MPV17L: variants seen among roughly 807,000 people sequenced by gnomAD.
MPV17L encodes the protein MPV17 mitochondrial inner membrane protein like.
A neutral mutation model predicts 25.8 loss-of-function variants in MPV17L; 24 were observed. The ratio of observed to expected loss-of-function variants is 0.93; its 90% CI spans 0.67 to 1.31. The LOEUF (loss-of-function observed/expected upper bound fraction) is 1.31, where lower values mean the gene tolerates loss of function less well. MPV17L is among the 50% of genes most tolerant of loss of function. The pLI, the probability that MPV17L is intolerant of heterozygous loss-of-function variation, is 0.00. For synonymous variants in MPV17L, 102 were observed against 115.3 expected (o/e 0.88, Z 0.74); for missense variants, 250 against 265.6 (o/e 0.94, Z 0.41).
chr16:15,400,826 A>T lies in MPV17L; in HGVS notation c.350A>T (p.Asp117Val). 1.2e-6 allele frequency: 2 copies of T among 1,603,914 alleles called. No individual in the cohort carries two copies. The highest frequency in any genetic ancestry group is 2.2e-5 in the South Asian group (2 of 88,962). ...ILQGKDDIFL[D>V]LKQKFWNTYL... ...CAAGGAAAGGATGACATATTTTTGG[A>T]CCTGAAACAGAAATTCTGGAATACC... Residue 117 changes from aspartate (D) to valine (V), a missense_variant, in exon 2 of 4, where the codon GAC (aspartate) becomes GTC (valine). Transcript: ENST00000396385.
intron 2 of MPV17L, among the ~76,000 whole-genome samples, chr16:15,403,515 A>G (rs777318878): frequency 6.6e-6 from 1 of 152,096 alleles, no homozygotes; most frequent in East Asian, 1.9e-4. Context: ...CGCTACAAAA[A>G]TAAAATAAAT....
chr16:15,407,449 A>G (rs1192812403), intron 2 of MPV17L, among the ~76,000 whole-genome samples: 2 of 152,086 alleles, frequency 1.3e-5, no homozygotes, highest in Middle Eastern at 3.2e-3. Context: ...TGTGTGGTTA[A>G]AAGGTATTCT....
chr16:15,406,701 A>G (rs2050683278), intron 2 of MPV17L, among the ~76,000 whole-genome samples: 1 of 151,964 alleles, frequency 6.6e-6, no homozygotes, highest in Admixed American at 6.6e-5. Context: ...CGAGGCAGGC[A>G]AATCACCTGA....
At chr16:15,403,177 G>A (rs1194904087) in intron 2 of MPV17L, among the ~76,000 whole-genome samples, 1 of 151,144 alleles carries the variant, frequency 6.6e-6, no homozygotes, top group South Asian at 2.1e-4. Context: ...AGACCATCCT[G>A]GCTAACATGG....
chr16:15,404,522 CCT>C (rs753924864), intron 2 of MPV17L, among the ~76,000 whole-genome samples: 2 of 151,878 alleles, frequency 1.3e-5, no homozygotes, highest in Non-Finnish European at 2.9e-5. Flanking sequence ...ATAGCAAGAC[CCT>C]GTCTGTATTT....
At chr16:15,396,922 G>A (rs1172176638) in intron 1 of MPV17L, among the ~76,000 whole-genome samples, 3 of 152,232 alleles carry the variant, frequency 2.0e-5, no homozygotes, top group South Asian at 2.1e-4. Context: ...TAGAAAATCC[G>A]ACCCGGGCCT....
chr16:15,403,725 G>T (rs2050658796), intron 2 of MPV17L, among the ~76,000 whole-genome samples: 1 of 151,430 alleles, frequency 6.6e-6, no homozygotes, highest in Non-Finnish European at 1.5e-5. Context: ...GCTTCAGGCA[G>T]GGATTTGTAA....
At chr16:15,398,510 G>C (rs1317962837) in intron 1 of MPV17L, among the ~76,000 whole-genome samples, 1 of 152,004 alleles carries the variant, frequency 6.6e-6, no homozygotes, top group Non-Finnish European at 1.5e-5. Flanking sequence ...TTGAACCTAA[G>C]TCCAGGCCAA....
chr16:15,405,606 G>A (rs941939322), intron 2 of MPV17L, among the ~76,000 whole-genome samples: 2 of 151,538 alleles, frequency 1.3e-5, no homozygotes, highest in African/African-American at 4.8e-5. Context: ...CTGCAATCAC[G>A]TCCTGCTAAT....
At chr16:15,401,348 C>T (rs2050639540) in intron 2 of MPV17L, among the ~76,000 whole-genome samples, 1 of 151,734 alleles carries the variant, frequency 6.6e-6, no homozygotes, top group Admixed American at 6.6e-5. Context: ...AACTCCTGTG[C>T]TCCAGTGATT....
chr16:15,407,801 C>CT (rs200953251), intron 2 of MPV17L, 23 bp from the exon 3 acceptor site: 207,809 of 1,233,380 alleles, frequency 0.17, 3,292 homozygotes, highest in East Asian at 0.35. Context: ...AAAGTTGTTG[C>CT]TTTTTTTTTT....
intron 1 of MPV17L, 45 bp downstream of exon 1, chr16:15,396,252 G>A: frequency 1.3e-6 from 2 of 1,532,502 alleles, no homozygotes; most frequent in Non-Finnish European, 1.8e-6. Flanking sequence ...CCAGTATTGG[G>A]GGACTGGAGG....
In MPV17L at chr16:15,408,991, C is replaced by T. The variant is rs2050708764; in HGVS notation, c.*879C>T. On this transcript the variant is annotated 3_prime_UTR_variant, in exon 4 of 4. Transcript: ENST00000396385. ...AGAGATGAAGTTTCACCGTGTTGGC[C>T]AGGATGGTCTTGATCTCCTGACCGC... 6.6e-6 allele frequency: 1 copy of T among 151,534 alleles called. No homozygotes were observed. Among genetic ancestry groups the T allele is most frequent in the African/African-American group, 2.4e-5 (1 of 41,192 alleles). The allele number at this position is 151,534 out of a possible 1,614,324, so 9.4% of individuals were successfully genotyped here.
intron 2 of MPV17L, among the ~76,000 whole-genome samples, chr16:15,401,679 G>T (rs2050641262): frequency 6.6e-6 from 1 of 151,986 alleles, no homozygotes; most frequent in South Asian, 2.1e-4. Flanking sequence ...AAATAGTCAG[G>T]CACGGTGGTG....
intron 1 of MPV17L, among the ~76,000 whole-genome samples, chr16:15,397,169 G>A (rs1033187028): frequency 6.6e-6 from 1 of 152,132 alleles, no homozygotes; most frequent in African/African-American, 2.4e-5. Context: ...GTTTTATAAG[G>A]TGATGGAGAA....
intron 2 of MPV17L, among the ~76,000 whole-genome samples, chr16:15,402,185 A>G (rs1331898582): frequency 2.0e-5 from 3 of 152,218 alleles, no homozygotes; most frequent in Non-Finnish European, 4.4e-5. Context: ...TTTGCTCGGC[A>G]CAAATATATA....
At position 15,396,139 on chromosome 16, in the gene MPV17L, C is replaced by A. The variant is rs1437097488; in HGVS notation, c.242C>A (p.Ala81Asp). The change falls in exon 1 of 4, where the codon GCC becomes GAC. Residue 81 changes from alanine (A) to aspartate (D), a missense_variant. Transcript: ENST00000396385. ...ERALPGRAPH[A>D]LLAKLLCDQV... ...GCGCTCCCGGGCCGAGCGCCGCACG[C>A]CCTGCTGGCCAAGTTGCTGTGCGAC... The A allele has an allele frequency of 6.5e-6, 10 of 1,548,496 alleles. No homozygotes were observed. Among genetic ancestry groups the A allele is most frequent in the African/African-American group, 1.4e-5 (1 of 73,134 alleles).
At chr16:15,403,650 T>G (rs1598425411) in intron 2 of MPV17L, among the ~76,000 whole-genome samples, 2 of 140,264 alleles carry the variant, frequency 1.4e-5, no homozygotes, top group African/African-American at 5.4e-5. Flanking sequence ...CCAGCCTGAG[T>G]GACAGAGTGA....
chr16:15,406,920 C>T (rs188091571), intron 2 of MPV17L, among the ~76,000 whole-genome samples: 4 of 151,782 alleles, frequency 2.6e-5, no homozygotes, highest in Admixed American at 2.6e-4. Flanking sequence ...AATGAGATTC[C>T]ATCTCAAACA....
Sources: allele counts gnomAD v4.1 joint callset (sites outside exome capture counted in the v4.1 genomes callset), GRCh38; gene constraint gnomAD v4.1.1; transcripts MANE v1.5; gene names NCBI Gene and HGNC (gene_info 2026-07-23, HGNC 2026-07-21).